Variants in BRD3 observed in about 807,000 individuals in gnomAD.
The protein encoded by BRD3 is bromodomain-containing protein 3.
BRD3 carries 17 observed loss-of-function variants against 66.8 expected under a neutral mutation model. The ratio of observed to expected loss-of-function variants is 0.25; its 90% CI spans 0.17 to 0.38. The LOEUF is 0.38. Among genes scored for constraint, BRD3 ranks in the 10% least tolerant of loss-of-function variants. The pLI, the probability that BRD3 is intolerant of heterozygous loss-of-function variation, is 1.00. For synonymous variants in BRD3, 421 were observed against 393.2 expected (o/e 1.07, Z -0.84); for missense variants, 713 against 956.1 (o/e 0.75, Z 3.35).
intron 5 of BRD3, among the ~76,000 whole-genome samples, chr9:134,049,487 A>G (rs1300620881): frequency 1.3e-5 from 2 of 152,198 alleles, no homozygotes; most frequent in African/African-American, 4.8e-5. Context: ...GCAGGCACCC[A>G]CGTGCTGCCA....
chr9:134,038,706 CTT>C (rs1450678537), intron 9 of BRD3, among the ~76,000 whole-genome samples: 7 of 152,146 alleles, frequency 4.6e-5, no homozygotes, highest in African/African-American at 1.7e-4. Context: ...CTGTCTGAGT[CTT>C]AACGTGACGC....
At position 134,056,367 on chromosome 9, in the gene BRD3, C is replaced by A. The variant is rs538766646; in HGVS notation, c.-113-2777G>T. ...ATAAAAAGCCCCTGGCACACACGGG[C>A]AGGCGACTGCCCCACCCTCGGTGGT... On this transcript the variant is annotated intron_variant, in intron 1 of 11. Coordinates refer to ENST00000303407, the MANE Select transcript of BRD3 (RefSeq NM_007371.4). 5.4e-3 allele frequency among the ~76,000 whole-genome samples: 824 copies of A among 152,350 alleles called. 5 individuals carry two copies. The highest frequency in any genetic ancestry group is 0.01 in the Middle Eastern group (3 of 294).
At chr9:134,057,944 C>CATGCAGA (rs1262629948) in intron 1 of BRD3, 8 of 152,328 alleles carry the variant, frequency 5.3e-5, no homozygotes, top group African/African-American at 1.9e-4. Context: ...CACAGAGGCC[C>CATGCAGA]ATGCAGAAAG....
At chr9:134,053,864 C>T (rs1830356630) in intron 1 of BRD3, 1 of 235,718 alleles carries the variant, frequency 4.2e-6, no homozygotes, top group Admixed American at 5.3e-5. Context: ...GCCACTTGCT[C>T]CCAGGTGGGG....
At chr9:134,046,522 G>A (rs1034645079) in intron 6 of BRD3, among the ~76,000 whole-genome samples, 29 of 152,210 alleles carry the variant, frequency 1.9e-4, no homozygotes. Context: ...TCAGACATGA[G>A]ACCCATCCAG....
At chr9:134,037,933 C>T (rs557930786) in intron 9 of BRD3, among the ~76,000 whole-genome samples, 7 of 152,304 alleles carry the variant, frequency 4.6e-5, no homozygotes, top group East Asian at 3.9e-4. Context: ...AATGGATTAA[C>T]GCCTTAGGCA....
intron 1 of BRD3, among the ~76,000 whole-genome samples, chr9:134,059,514 C>T (rs1474100016): frequency 4.9e-5 from 7 of 144,318 alleles, no homozygotes; most frequent in South Asian, 4.2e-4. Flanking sequence ...ACCTTCGTGC[C>T]GCAATCCCTC....
intron 9 of BRD3, among the ~76,000 whole-genome samples, chr9:134,036,836 G>C (rs574435986): frequency 1.3e-5 from 2 of 151,688 alleles, no homozygotes; most frequent in Non-Finnish European, 2.9e-5. Context: ...GTGAAACCTC[G>C]TCTCTACTAC....
chr9:134,049,038 G>A (rs532871805), intron 5 of BRD3, among the ~76,000 whole-genome samples: 51 of 152,306 alleles, frequency 3.3e-4, no homozygotes, highest in Admixed American at 1.5e-3. Context: ...AGGGACCTCA[G>A]GGATTGAGTG....
chr9:134,040,844 C>T (rs1040074792), intron 8 of BRD3, among the ~76,000 whole-genome samples: 2 of 152,238 alleles, frequency 1.3e-5, no homozygotes, highest in African/African-American at 4.8e-5. Context: ...CAGCAACCAG[C>T]ATTAATCCAG....
chr9:134,061,140 G>A (rs1384946952), intron 1 of BRD3, among the ~76,000 whole-genome samples: 1 of 152,224 alleles, frequency 6.6e-6, no homozygotes, highest in Non-Finnish European at 1.5e-5. Context: ...AGGGGCAGGA[G>A]CAGGCATGTC....
intron 1 of BRD3, among the ~76,000 whole-genome samples, chr9:134,056,475 G>A (rs1286205114): frequency 3.3e-5 from 5 of 152,190 alleles, no homozygotes; most frequent in Non-Finnish European, 7.4e-5. Context: ...CTCAGATTTT[G>A]CAAAAACTCG....
intron 11 of BRD3, 93 bp downstream of exon 11, chr9:134,034,608 C>T: frequency 1.3e-6 from 2 of 1,524,818 alleles, no homozygotes; most frequent in African/African-American, 1.4e-5. Context: ...AGGTAAGCCA[C>T]ACTCAGACGT....
At chr9:134,048,833 G>C (rs1015115596) in intron 5 of BRD3, among the ~76,000 whole-genome samples, 4 of 152,222 alleles carry the variant, frequency 2.6e-5, no homozygotes, top group African/African-American at 9.6e-5. Flanking sequence ...CCAGGACCCG[G>C]GGACCTCGGT....
intron 1 of BRD3, chr9:134,056,019 C>T (rs202178531): frequency 2.6e-5 from 4 of 152,304 alleles, no homozygotes; most frequent in Admixed American, 1.3e-4. Flanking sequence ...GTGCATGCCT[C>T]GTCCTGGGTG....
At chr9:134,053,036 G>T (rs890763604) in intron 2 of BRD3, among the ~76,000 whole-genome samples, 5 of 152,168 alleles carry the variant, frequency 3.3e-5, no homozygotes, top group Non-Finnish European at 7.3e-5. Flanking sequence ...TCCCGGACAC[G>T]CGTGGCTTCT....
At chr9:134,065,364 C>T (rs1377608809) in intron 1 of BRD3, among the ~76,000 whole-genome samples, 1 of 150,782 alleles carries the variant, frequency 6.6e-6, no homozygotes, top group Non-Finnish European at 1.5e-5. Context: ...GTAGAGGTTA[C>T]AGTGGGCTGA....
Position 134,045,050 on chromosome 9 carries a change from A to AC in BRD3, c.1215+242dup, listed in dbSNP as rs1283451314. ...GGAGGGAAAGACTCACTACTGCGAC[A>AC]CCCCCACAGAGCCCCAGTGGTCCCA... On this transcript the variant is annotated intron_variant, in intron 7 of 11. Coordinates refer to ENST00000303407, the MANE Select transcript of BRD3 (RefSeq NM_007371.4). The surrounding 1 kb of genome is among the most constrained non-coding windows in gnomAD (Gnocchi z 4.8). 1.3e-5 allele frequency among the ~76,000 whole-genome samples: 2 copies of AC among 151,718 alleles called. No homozygotes were observed. The highest frequency in any genetic ancestry group is 4.8e-5 in the African/African-American group (2 of 41,254).
intron 1 of BRD3, among the ~76,000 whole-genome samples, chr9:134,065,863 G>A (rs1340369442): frequency 3.3e-5 from 5 of 152,164 alleles, no homozygotes; most frequent in Admixed American, 1.3e-4. Context: ...GAGCCTGGAG[G>A]AAGAGGGTAG....
Sources: gnomAD v4.1 joint callset for allele counts (sites outside exome capture counted in the v4.1 genomes callset) on GRCh38, gnomAD v4.1.1 for gene constraint, Gnocchi (gnomAD v3.1) non-coding constraint, MANE v1.5 for transcripts, NCBI Gene and HGNC (gene_info 2026-07-23, HGNC 2026-07-21) for gene names.